Variants in PKP2 observed in about 807,000 individuals in gnomAD.
PKP2 encodes plakophilin-2.
Under a neutral mutation model 83.4 loss-of-function variants are expected in PKP2, and 73 were observed. The observed-to-expected ratio is 0.88, with a 90% CI of 0.72 to 1.06. The LOEUF is 1.06. Among genes scored for constraint, PKP2 ranks in the 50% least tolerant of loss-of-function variants. PKP2 has a pLI of 0.00. For synonymous variants in PKP2, 409 were observed against 430.4 expected (o/e 0.95, Z 0.62); for missense variants, 966 against 1,065.4 (o/e 0.91, Z 1.30).
intron 4 of PKP2, among the ~76,000 whole-genome samples, chr12:32,854,627 C>T (rs537381401): frequency 1.3e-5 from 2 of 152,200 alleles, no homozygotes; most frequent in African/African-American, 4.8e-5. Flanking sequence ...ACTGAATCCT[C>T]GGGGTATTTT....
Position 32,792,744 on chromosome 12 carries a change from G to C in PKP2, c.2358-13C>G. On this transcript the variant is annotated splice_polypyrimidine_tract_variant and intron_variant, in intron 11 of 12. Coordinates refer to ENST00000340811, the MANE Select transcript of PKP2 (RefSeq NM_001005242.3). ...GTTGGAGGCATAGCTGAAAAGAAAA[G>C]GACATTCTGAGATCAGGGAGAATGA... 1.2e-6 allele frequency: 2 copies of C among 1,609,428 alleles called. No individual in the cohort carries two copies. Among genetic ancestry groups the C allele is most frequent in the Non-Finnish European group, 1.7e-6 (2 of 1,175,696 alleles).
intron 1 of PKP2, among the ~76,000 whole-genome samples, chr12:32,880,544 C>T (rs1956975889): frequency 6.6e-6 from 1 of 152,160 alleles, no homozygotes; most frequent in Admixed American, 6.5e-5. Context: ...CCTCTATGCT[C>T]CATCCAAATG....
At chr12:32,895,603 G>A (rs933510332) in intron 1 of PKP2, among the ~76,000 whole-genome samples, 7 of 152,290 alleles carry the variant, frequency 4.6e-5, no homozygotes, top group Non-Finnish European at 8.8e-5. Context: ...GCAACAAGAA[G>A]TAAAACAAGG....
chr12:32,803,194 A>G (rs1431754233), intron 9 of PKP2, among the ~76,000 whole-genome samples: 1 of 151,722 alleles, frequency 6.6e-6, no homozygotes, highest in Admixed American at 6.6e-5. Flanking sequence ...ACATGGTGAA[A>G]CCCTGTCTTT....
chr12:32,841,427 C>A (rs1956591270), intron 5 of PKP2, among the ~76,000 whole-genome samples: 1 of 152,180 alleles, frequency 6.6e-6, no homozygotes, highest in South Asian at 2.1e-4. Flanking sequence ...GCTTAGGCTA[C>A]AAACTGTGCA....
Position 32,896,490 on chromosome 12 carries a change from A to G in PKP2, c.223+19T>C. On this transcript the variant is annotated intron_variant, in intron 1 of 12. Transcript: ENST00000340811. ...TGTGGGGCAGGGGGCGGCGCCGGGG[A>G]GCGGCGGGCTCCACTCACCGTTGCC... 1 of 1,454,450 alleles carries G rather than the reference A, an allele frequency of 6.9e-7. No homozygotes were observed. Among genetic ancestry groups the G allele is most frequent in the East Asian group, 2.7e-5 (1 of 36,818 alleles). The allele number at this position is 1,454,450 out of a possible 1,614,324, so 90.1% of individuals were successfully genotyped here.
chr12:32,800,494 G>A (rs111678684), intron 10 of PKP2, among the ~76,000 whole-genome samples: 26 of 152,260 alleles, frequency 1.7e-4, no homozygotes, highest in Non-Finnish European at 3.2e-4. Context: ...ACTGTGGAGA[G>A]CTCAGCGTTC....
At chr12:32,830,286 T>G (rs1195366146) in intron 6 of PKP2, among the ~76,000 whole-genome samples, 1 of 152,182 alleles carries the variant, frequency 6.6e-6, no homozygotes, top group Non-Finnish European at 1.5e-5. Context: ...TGTGATTAAC[T>G]AAGAGAAGCA....
At chr12:32,859,852 C>T (rs1039257769) in intron 4 of PKP2, among the ~76,000 whole-genome samples, 2 of 151,700 alleles carry the variant, frequency 1.3e-5, no homozygotes, top group South Asian at 2.1e-4. Context: ...ATCAGATTAA[C>T]AAAAACAAAC....
intron 5 of PKP2, among the ~76,000 whole-genome samples, chr12:32,848,653 A>T (rs983206973): frequency 1.4e-4 from 21 of 152,146 alleles, no homozygotes; most frequent in Non-Finnish European, 2.8e-4. Flanking sequence ...AAGAGGGAGG[A>T]AAGGACGGGG....
At chr12:32,868,850 T>C in intron 4 of PKP2, 77 bp downstream of exon 4, 1 of 1,451,052 alleles carries the variant, frequency 6.9e-7, no homozygotes, top group Non-Finnish European at 9.7e-7. Flanking sequence ...AATAAATTAT[T>C]GGTTTCAGTG....
At chr12:32,813,425 A>G (rs1312610418) in intron 9 of PKP2, among the ~76,000 whole-genome samples, 1 of 152,246 alleles carries the variant, frequency 6.6e-6, no homozygotes, top group Non-Finnish European at 1.5e-5. Context: ...TAATGAAACA[A>G]ATAACTGTCA....
chr12:32,807,411 CTAAG>C (rs1342448549), intron 9 of PKP2, among the ~76,000 whole-genome samples: 2 of 152,152 alleles, frequency 1.3e-5, no homozygotes, highest in African/African-American at 4.8e-5. Context: ...TATTTTGAGC[CTAAG>C]TGTGTCTTTG....
At chr12:32,887,929 C>G (rs1006660129) in intron 1 of PKP2, among the ~76,000 whole-genome samples, 3 of 152,202 alleles carry the variant, frequency 2.0e-5, no homozygotes, top group African/African-American at 4.8e-5. Context: ...CCTGTAATCC[C>G]AGCACTTTGG....
At position 32,841,128 on chromosome 12, in the gene PKP2, T is replaced by C. The variant is rs749633320; in HGVS notation, c.1456A>G (p.Asn486Asp). The change falls in exon 6 of 13, where the codon AAT (asparagine) becomes GAT (aspartate). Residue 486 changes from asparagine to aspartate, a missense_variant. Coordinates refer to ENST00000340811, the MANE Select transcript of PKP2 (RefSeq NM_001005242.3). ...ITEALLTLTE[N>D]IIIPFSGWPE... ...CACCCAGAAAAGGGGATGATGATAT[T>C]CTCCGTCAGCGTAAGCAATGCTTCT... 12 of 1,612,946 alleles carry C rather than the reference T, an allele frequency of 7.4e-6. No homozygotes were observed. In the South Asian group the frequency reaches 1.3e-4, roughly 18 times the overall value.
At chr12:32,793,382 G>C (rs1423423541) in intron 11 of PKP2, among the ~76,000 whole-genome samples, 2 of 151,992 alleles carry the variant, frequency 1.3e-5, no homozygotes, top group Non-Finnish European at 2.9e-5. Flanking sequence ...TATAATGTAT[G>C]TTTATAGAAT....
intron 6 of PKP2, among the ~76,000 whole-genome samples, chr12:32,833,471 C>T (rs1379020480): frequency 1.3e-5 from 2 of 151,928 alleles, no homozygotes; most frequent in Non-Finnish European, 2.9e-5. Flanking sequence ...ATTGATATTC[C>T]AAAACAACTT....
At chr12:32,857,251 C>T (rs766148895) in intron 4 of PKP2, among the ~76,000 whole-genome samples, 1 of 151,944 alleles carries the variant, frequency 6.6e-6, no homozygotes, top group Non-Finnish European at 1.5e-5. Flanking sequence ...CAGGGAGATC[C>T]CATCTGCACA....
At chr12:32,891,964 C>T (rs948085698) in intron 1 of PKP2, among the ~76,000 whole-genome samples, 10 of 152,072 alleles carry the variant, frequency 6.6e-5, no homozygotes, top group African/African-American at 2.4e-4. Context: ...TTTGGACTTA[C>T]CGAACTCAAT....
Sources: gnomAD v4.1 joint callset for allele counts (sites outside exome capture counted in the v4.1 genomes callset) on GRCh38, gnomAD v4.1.1 for gene constraint, MANE v1.5 for transcripts, NCBI Gene and HGNC (gene_info 2026-07-23, HGNC 2026-07-21) for gene names.